The following ATP8A2 variants were observed in gnomAD, a reference collection of about 807,000 sequenced individuals.
ATP8A2 encodes phospholipid-transporting ATPase IB.
ATP8A2 carries 100 observed loss-of-function variants against 165.6 expected under a neutral mutation model. That is an observed-to-expected ratio of 0.60 (90% CI 0.51 to 0.71). ATP8A2 has a LOEUF of 0.71. Among genes scored for constraint, ATP8A2 ranks in the 30% least tolerant of loss-of-function variants. The pLI is 0.00. For missense variants in ATP8A2, 1,227 were observed against 1,479.5 expected (o/e 0.83, Z 2.80); for synonymous variants, 543 against 548.8 (o/e 0.99, Z 0.15).
chr13:26,000,890 A>G (rs965965837), intron 35 of ATP8A2, among the ~76,000 whole-genome samples: 3 of 152,178 alleles, frequency 2.0e-5, no homozygotes, highest in African/African-American at 7.2e-5. Flanking sequence ...TGCACATAGC[A>G]TAACATTTAC....
intron 24 of ATP8A2, among the ~76,000 whole-genome samples, chr13:25,672,693 C>A (rs2042292897): frequency 6.6e-6 from 1 of 152,180 alleles, no homozygotes; most frequent in Non-Finnish European, 1.5e-5. Context: ...AGTGGCTTTA[C>A]TCCTTTTGGA....
chr13:25,919,290 G>A lies in ATP8A2; in HGVS notation c.3184-42285G>A, dbSNP rs573261912. ...GACAAGGCCTCCGCTAAAGCATCCAGCATATGGCAGATGATGTCAGCCAGG... is the reference window on the plus strand; with the variant it reads ...GACAAGGCCTCCGCTAAAGCATCCAACATATGGCAGATGATGTCAGCCAGG... On this transcript the variant is annotated intron_variant, in intron 33 of 36. Coordinates refer to ENST00000381655, the MANE Select transcript of ATP8A2 (RefSeq NM_016529.6). 3.9e-5 allele frequency among the ~76,000 whole-genome samples: 6 copies of A among 152,276 alleles called. No homozygotes were observed. In the South Asian group the frequency reaches 1.2e-3, roughly 32 times the overall value.
At chr13:25,570,961 C>T (rs369492363) in intron 17 of ATP8A2, 89 bp downstream of exon 17, 10 of 921,328 alleles carry the variant, frequency 1.1e-5, no homozygotes, top group East Asian at 5.3e-5. Flanking sequence ...CCATGTAGTC[C>T]GTCCCACAGA....
chr13:25,510,679 A>G (rs1191304408), intron 2 of ATP8A2, among the ~76,000 whole-genome samples: 1 of 152,200 alleles, frequency 6.6e-6, no homozygotes, highest in African/African-American at 2.4e-5. Flanking sequence ...AGGAAGTGAT[A>G]GTGGGGAGTG....
At chr13:25,613,369 A>C (rs2040739104) in intron 24 of ATP8A2, among the ~76,000 whole-genome samples, 1 of 152,072 alleles carries the variant, frequency 6.6e-6, no homozygotes, top group South Asian at 2.1e-4. Context: ...GGGTCAAGAG[A>C]TCAAGACCAT....
chr13:25,768,010 C>A (rs1390733621), intron 25 of ATP8A2, among the ~76,000 whole-genome samples: 6 of 136,898 alleles, frequency 4.4e-5, no homozygotes, highest in Non-Finnish European at 6.0e-5. Flanking sequence ...GTGGGCGTGG[C>A]CAGTAGACCT....
intron 33 of ATP8A2, among the ~76,000 whole-genome samples, chr13:25,910,455 G>GT (rs1392201744): frequency 1.3e-5 from 2 of 152,148 alleles, no homozygotes; most frequent in African/African-American, 4.8e-5. Context: ...TGTGAGAGAG[G>GT]TTTTTGCAAG....
intron 24 of ATP8A2, among the ~76,000 whole-genome samples, chr13:25,650,552 T>G (rs1459692479): frequency 6.6e-6 from 1 of 152,196 alleles, no homozygotes; most frequent in East Asian, 1.9e-4. Context: ...GAACCTCCAC[T>G]GCAAAATAGA....
intron 24 of ATP8A2, among the ~76,000 whole-genome samples, chr13:25,676,597 G>A (rs2042377424): frequency 6.6e-6 from 1 of 152,134 alleles, no homozygotes; most frequent in Non-Finnish European, 1.5e-5. Context: ...TCACGAGAAA[G>A]CTCTTATTTT....
chr13:25,678,152 C>T (rs1426001116), intron 24 of ATP8A2, among the ~76,000 whole-genome samples: 2 of 152,072 alleles, frequency 1.3e-5, no homozygotes, highest in African/African-American at 4.8e-5. Flanking sequence ...ACTCTGTGTC[C>T]CTAGCACCTG....
intron 33 of ATP8A2, among the ~76,000 whole-genome samples, chr13:25,882,998 A>AT (rs1953031479): frequency 6.6e-6 from 1 of 152,034 alleles, no homozygotes; most frequent in Non-Finnish European, 1.5e-5. Flanking sequence ...CAAGCTGGGC[A>AT]CTTTATTCAA....
intron 18 of ATP8A2, among the ~76,000 whole-genome samples, chr13:25,573,285 G>A (rs551860099): frequency 9.9e-5 from 15 of 152,252 alleles, no homozygotes; most frequent in African/African-American, 2.2e-4. Flanking sequence ...GAGAACAGGC[G>A]CTTCCACTTC....
chr13:25,517,690 T>C (rs1270549856), intron 2 of ATP8A2, among the ~76,000 whole-genome samples: 2 of 152,228 alleles, frequency 1.3e-5, no homozygotes, highest in East Asian at 3.8e-4. Context: ...AATTACTGCA[T>C]TCTGGGAACA....
intron 24 of ATP8A2, among the ~76,000 whole-genome samples, chr13:25,645,459 G>A (rs1241902039): frequency 6.6e-6 from 1 of 152,146 alleles, no homozygotes; most frequent in Non-Finnish European, 1.5e-5. Flanking sequence ...CTCATAGTGA[G>A]CTTAGTTTGT....
At chr13:25,655,326 A>G (rs1276760179) in intron 24 of ATP8A2, among the ~76,000 whole-genome samples, 1 of 151,984 alleles carries the variant, frequency 6.6e-6, no homozygotes, top group Non-Finnish European at 1.5e-5. Flanking sequence ...CGCCTGGCTA[A>G]TTTTTGTATT....
At chr13:25,709,201 A>AT (rs2043111894) in intron 25 of ATP8A2, among the ~76,000 whole-genome samples, 2 of 152,090 alleles carry the variant, frequency 1.3e-5, no homozygotes, top group African/African-American at 2.4e-5. Flanking sequence ...CAGAGCATGC[A>AT]TTTTTTTCTC....
intron 33 of ATP8A2, among the ~76,000 whole-genome samples, chr13:25,879,422 A>C (rs1952910387): frequency 6.6e-6 from 1 of 152,218 alleles, no homozygotes; most frequent in East Asian, 1.9e-4. Flanking sequence ...TTACTTAATA[A>C]ACAGAAAAAG....
At chr13:25,657,611 G>C (rs1349701619) in intron 24 of ATP8A2, among the ~76,000 whole-genome samples, 1 of 152,208 alleles carries the variant, frequency 6.6e-6, no homozygotes, top group East Asian at 1.9e-4. Flanking sequence ...TTAGATGCTG[G>C]CTGCAACCAC....
chr13:25,976,823 C>G (rs1353990254), intron 35 of ATP8A2, among the ~76,000 whole-genome samples: 2 of 152,156 alleles, frequency 1.3e-5, no homozygotes, highest in Non-Finnish European at 2.9e-5. Flanking sequence ...GAATCTTGCT[C>G]TATCGCCCAG....
Sources: gnomAD v4.1 joint callset for allele counts (sites outside exome capture counted in the v4.1 genomes callset) on GRCh38, gnomAD v4.1.1 for gene constraint, MANE v1.5 for transcripts, NCBI Gene and HGNC (gene_info 2026-07-23, HGNC 2026-07-21) for gene names.